The following CLDN23 variants were observed in gnomAD, a reference collection of about 807,000 sequenced individuals.
CLDN23 encodes the protein claudin-23.
In CLDN23, 3 loss-of-function variants were observed where a neutral mutation model predicts 1.4. The observed-to-expected ratio is 2.10, with a 90% CI of 0.96 to 5.43. The LOEUF is 5.43. CLDN23 is among the 30% of genes most tolerant of loss of function. CLDN23 has a pLI of 0.02. For missense variants in CLDN23, 597 were observed against 433.5 expected, an observed-to-expected ratio of 1.38 and a Z score of -3.35; for synonymous variants, 291 against 209.9, an observed-to-expected ratio of 1.39 and a Z score of -3.34.
rs745730686 is a variant in CLDN23, at chr8:8,703,141, C to G, written c.743C>G (p.Pro248Arg). 3.0e-5 allele frequency: 46 copies of G among 1,542,256 alleles called. No homozygotes were observed. The highest frequency in any genetic ancestry group is 2.7e-4 in the East Asian group (11 of 40,680). The change falls in exon 1 of 1, where the codon CCC becomes CGC. Residue 248 changes from proline (P) to arginine (R), a missense_variant. Pro to Arg is a moderately radical substitution (Grantham distance 103). Transcript: ENST00000519106. ...AAGCCCAAGCCCAAGGTCGGCTTCC[C>G]CATGCCGCGGCCGCGGCCCAAGGCC... ...KPKPKPKVGF[P>R]MPRPRPKAYT...
rs773326747 is a variant in CLDN23, at chr8:8,702,410, G to A, written c.12G>A (p.Pro4=). Residue 4 remains proline (P), a synonymous_variant, in exon 1 of 1, where the codon CCG becomes CCA. Coordinates refer to ENST00000519106, the MANE Select transcript of CLDN23 (RefSeq NM_194284.3). MRT[P]VVMTLGMVLA... Reference sequence around the variant, plus strand: ...CGCGGCGGGCCGGGATGCGGACGCCGGTGGTGATGACGCTGGGCATGGTGT... The same window carrying A: ...CGCGGCGGGCCGGGATGCGGACGCCAGTGGTGATGACGCTGGGCATGGTGT... 150 of 1,502,842 alleles carry A rather than the reference G, an allele frequency of 1.0e-4. No individual in the cohort carries two copies. Among genetic ancestry groups the A allele is most frequent in the Non-Finnish European group, 1.0e-4 (118 of 1,128,540 alleles). The allele number at this position is 1,502,842 out of a possible 1,614,324, so 93.1% of individuals were successfully genotyped here.
Position 8,703,555 on chromosome 8 carries a change from T to C in CLDN23, c.*278T>C. The stretch of plus-strand genomic sequence containing the variant: ...TGAAGAATATATGGAAAGGGTGGCA[T>C]TTGCGTCACGTGGACCAGGGACAGT... On this transcript the variant is annotated 3_prime_UTR_variant, in exon 1 of 1. Coordinates refer to ENST00000519106, the MANE Select transcript of CLDN23 (RefSeq NM_194284.3). The C allele has an allele frequency of 2.9e-6, 1 of 350,598 alleles. No homozygotes were observed. Among genetic ancestry groups the C allele is most frequent in the Non-Finnish European group, 5.4e-6 (1 of 186,702 alleles). 21.7% of individuals were successfully genotyped at this position (350,598 alleles called of 1,614,324 possible). A position where few individuals can be genotyped will look rare whatever the true frequency, so the allele number is the denominator to read the frequency against.
chr8:8,702,372 G>C lies in CLDN23; in HGVS notation c.-27G>C. The stretch of plus-strand genomic sequence containing the variant: ...CAGCGGAGAAGGAAGGCAGGCTGCA[G>C]GGGCGCCGTCGGCGCGGCGGGCCGG... On this transcript the variant is annotated 5_prime_UTR_variant, in exon 1 of 1. Coordinates refer to ENST00000519106, the MANE Select transcript of CLDN23 (RefSeq NM_194284.3). The C allele has an allele frequency of 6.7e-7, 1 of 1,487,902 alleles. No individual in the cohort carries two copies. Among genetic ancestry groups the C allele is most frequent in the Non-Finnish European group, 8.9e-7 (1 of 1,124,696 alleles). The allele number at this position is 1,487,902 out of a possible 1,614,324, so 92.2% of individuals were successfully genotyped here.
chr8:8,702,155 T>G lies in CLDN23; in HGVS notation c.-244T>G. Reference sequence around the variant, plus strand: ...GCGGGCTGGTTTCGATTAGGGCCAGTAGGAGGGCGGAGCGGCCGGGACGCC... The same window carrying G: ...GCGGGCTGGTTTCGATTAGGGCCAGGAGGAGGGCGGAGCGGCCGGGACGCC... On this transcript the variant is annotated 5_prime_UTR_variant, in exon 1 of 1. Transcript: ENST00000519106. 7 of 375,236 alleles carry G rather than the reference T, an allele frequency of 1.9e-5. No homozygotes were observed. The highest frequency in any genetic ancestry group is 6.3e-5 in the African/African-American group (3 of 47,760). The allele number at this position is 375,236 out of a possible 1,614,324, so 23.2% of individuals were successfully genotyped here. A position where few individuals can be genotyped will look rare whatever the true frequency, so the allele number is the denominator to read the frequency against.
rs890331017 is a variant in CLDN23 at position 8,703,245 on chromosome 8, G to A, written c.847G>A (p.Asp283Asn). ...DAPSCSTHPC[D>N]SSLPCDSDL ...TCCCTCGTGCAGCACCCACCCCTGC[G>A]ACAGCTCGCTGCCCTGCGACTCCGA... The change falls in exon 1 of 1, where the codon GAC (aspartate) becomes AAC (asparagine). Residue 283 changes from aspartate to asparagine, a missense_variant. Transcript: ENST00000519106. 1.5e-5 allele frequency: 21 copies of A among 1,419,100 alleles called. No homozygotes were observed. The highest frequency in any genetic ancestry group is 1.9e-5 in the Non-Finnish European group (21 of 1,084,104). The allele number at this position is 1,419,100 out of a possible 1,614,324, so 87.9% of individuals were successfully genotyped here.
Position 8,702,729 on chromosome 8 carries a change from T to A in CLDN23, c.331T>A (p.Phe111Ile). The A allele has an allele frequency of 6.2e-7, 1 of 1,608,860 alleles. No individual in the cohort carries two copies. The highest frequency in any genetic ancestry group is 8.5e-7 in the Non-Finnish European group (1 of 1,179,446). ...GCGCTGCTGGCAGGACGAGCCCAAC[T>A]TCGTGCTGGCAGGGCTCTCGGGCGT... ...GVRCWQDEPNFVLAGLSGVVL... is the reference protein window; with the variant it reads ...GVRCWQDEPNIVLAGLSGVVL... The change falls in exon 1 of 1, where the codon TTC becomes ATC. Residue 111 changes from phenylalanine (F) to isoleucine (I), a missense_variant. Coordinates refer to ENST00000519106, the MANE Select transcript of CLDN23 (RefSeq NM_194284.3).
rs1456920174 is a variant in CLDN23, at chr8:8,702,061, C to A, written c.-338C>A. On this transcript the variant is annotated 5_prime_UTR_variant, in exon 1 of 1. Coordinates refer to ENST00000519106, the MANE Select transcript of CLDN23 (RefSeq NM_194284.3). ...TCACCTCGGGTCCCTCCCTCCCGGG[C>A]CAGGTTTGGCCGCGGCAGCCGCCCC... The A allele has an allele frequency of 9.3e-6, 2 of 216,114 alleles. No individual in the cohort carries two copies. Among genetic ancestry groups the A allele is most frequent in the Admixed American group, 5.9e-5 (1 of 17,000 alleles). 13.4% of individuals were successfully genotyped at this position (216,114 alleles called of 1,614,324 possible).
Position 8,703,031 on chromosome 8 carries a change from G to A in CLDN23, c.633G>A (p.Glu211=), listed in dbSNP as rs1254563768. ...GCAGCGTCAGCACCATCCAAGTGGA[G>A]TGGCCCGAGCCCGACCTGGCGCCCG... ...RRSSVSTIQV[E]WPEPDLAPAI... Residue 211 remains glutamate, a synonymous_variant, in exon 1 of 1, where the codon GAG becomes GAA. Coordinates refer to ENST00000519106, the MANE Select transcript of CLDN23 (RefSeq NM_194284.3). The A allele has an allele frequency of 6.5e-7, 1 of 1,544,580 alleles. No individual in the cohort carries two copies. The highest frequency in any genetic ancestry group is 2.4e-5 in the East Asian group (1 of 42,228).
rs1216210790 is a variant in CLDN23, at chr8:8,702,172, C to T, written c.-227C>T. ...AGGGCCAGTAGGAGGGCGGAGCGGCCGGGACGCCAGGAGGGAACTAGCCTA... is the reference window on the plus strand; with the variant it reads ...AGGGCCAGTAGGAGGGCGGAGCGGCTGGGACGCCAGGAGGGAACTAGCCTA... On this transcript the variant is annotated 5_prime_UTR_variant, in exon 1 of 1. Transcript: ENST00000519106. The T allele has an allele frequency of 1.2e-5, 5 of 406,604 alleles. No individual in the cohort carries two copies. Among genetic ancestry groups the T allele is most frequent in the Non-Finnish European group, 2.1e-5 (5 of 233,474 alleles). The allele number at this position is 406,604 out of a possible 1,614,324, so 25.2% of individuals were successfully genotyped here.
rs370620610 is a variant in CLDN23, at chr8:8,702,919, G to A, written c.521G>A (p.Gly174Asp). 3.2e-6 allele frequency: 5 copies of A among 1,568,398 alleles called. No individual in the cohort carries two copies. The highest frequency in any genetic ancestry group is 2.3e-5 in the South Asian group (2 of 87,386). The change falls in exon 1 of 1, where the codon GGC (glycine) becomes GAC (aspartate). Residue 174 changes from glycine to aspartate, a missense_variant. Transcript: ENST00000519106. The stretch of plus-strand genomic sequence containing the variant: ...GGCAGCTGCCTCCTGCTGCTGGGCG[G>A]CTTCTCGCTGGCGCTCAGCTTCGCG... Reference protein sequence around the residue: ...YLGSCLLLLGGFSLALSFAPW... With the variant: ...YLGSCLLLLGDFSLALSFAPW...
rs1426868865 is a variant in CLDN23, at chr8:8,702,232, G to A, written c.-167G>A. ...GGTCCCCGTGCAGGAGACAAAGAGC[G>A]TCCCTGGAGCGATCAGGGCTCAGGA... is the stretch of plus-strand genomic sequence containing the variant. On this transcript the variant is annotated 5_prime_UTR_variant, in exon 1 of 1. Transcript: ENST00000519106. 3.5e-5 allele frequency: 21 copies of A among 598,682 alleles called. No individual in the cohort carries two copies. In the South Asian group the frequency reaches 4.9e-4, roughly 14 times the overall value. The allele number at this position is 598,682 out of a possible 1,614,324, so 37.1% of individuals were successfully genotyped here.
rs1322656710 is a variant in CLDN23 at position 8,702,283 on chromosome 8, GC to G, written c.-115del. ...GCCCGACCCGGAGCCCGGGGCGTCC[GC>G]GCTGACTTCGGGTCCCCGGAGCCTG... On this transcript the variant is annotated 5_prime_UTR_variant, in exon 1 of 1. Coordinates refer to ENST00000519106, the MANE Select transcript of CLDN23 (RefSeq NM_194284.3). The G allele has an allele frequency of 7.5e-6, 9 of 1,200,634 alleles. No homozygotes were observed. Among genetic ancestry groups the G allele is most frequent in the Non-Finnish European group, 1.0e-5 (9 of 896,726 alleles). The allele number at this position is 1,200,634 out of a possible 1,614,324, so 74.4% of individuals were successfully genotyped here.
Position 8,702,189 on chromosome 8 carries a change from A to C in CLDN23, c.-210A>C. 8 of 433,534 alleles carry C rather than the reference A, an allele frequency of 1.8e-5. No homozygotes were observed. The highest frequency in any genetic ancestry group is 2.8e-5 in the Non-Finnish European group (7 of 251,282). The allele number at this position is 433,534 out of a possible 1,614,324, so 26.9% of individuals were successfully genotyped here. A position where few individuals can be genotyped will look rare whatever the true frequency, so the allele number is the denominator to read the frequency against. ...GGAGCGGCCGGGACGCCAGGAGGGA[A>C]CTAGCCTAAGTGGGGACGGTCCCCG... On this transcript the variant is annotated 5_prime_UTR_variant, in exon 1 of 1. Transcript: ENST00000519106.
chr8:8,702,686 G>T lies in CLDN23; in HGVS notation c.288G>T (p.Leu96=). ...TSLAATVLGL[L]LASLGVRCWQ... ...TGGCCGCCACGGTCCTGGGGCTTCT[G>T]CTGGCGTCGCTGGGCGTGCGCTGCT... The change falls in exon 1 of 1, where the codon CTG becomes CTT. Residue 96 remains leucine, a synonymous_variant. Coordinates refer to ENST00000519106, the MANE Select transcript of CLDN23 (RefSeq NM_194284.3). 7 of 1,606,018 alleles carry T rather than the reference G, an allele frequency of 4.4e-6. No individual in the cohort carries two copies. The highest frequency in any genetic ancestry group is 5.9e-6 in the Non-Finnish European group (7 of 1,179,004).
rs1802743293 is a variant in CLDN23 at position 8,702,268 on chromosome 8, G to A, written c.-131G>A. On this transcript the variant is annotated 5_prime_UTR_variant, in exon 1 of 1. Coordinates refer to ENST00000519106, the MANE Select transcript of CLDN23 (RefSeq NM_194284.3). ...GATCAGGGCTCAGGAGCCCGACCCGGAGCCCGGGGCGTCCGCGCTGACTTC... is the reference window on the plus strand; with the variant it reads ...GATCAGGGCTCAGGAGCCCGACCCGAAGCCCGGGGCGTCCGCGCTGACTTC... The A allele has an allele frequency of 5.9e-6, 6 of 1,020,718 alleles. No homozygotes were observed. Among genetic ancestry groups the A allele is most frequent in the Non-Finnish European group, 8.2e-6 (6 of 733,042 alleles). 63.2% of individuals were successfully genotyped at this position (1,020,718 alleles called of 1,614,324 possible).
rs1283583511 is a variant in CLDN23, at chr8:8,701,972, GTCCCCGCCGCTCGGA to G, written c.-421_-407del. The G allele has an allele frequency of 2.6e-5, 4 of 154,836 alleles. No homozygotes were observed. The highest frequency in any genetic ancestry group is 5.7e-5 in the Non-Finnish European group (4 of 70,136). The allele number at this position is 154,836 out of a possible 1,614,324, so 9.6% of individuals were successfully genotyped here. A position where few individuals can be genotyped will look rare whatever the true frequency, so the allele number is the denominator to read the frequency against. ...CAGCCGCCCGGCTGCAAGGTGGGGT[GTCCCCGCCGCTCGGA>G]TCCCCATCTCACCTGCCGCGGGCGA... On this transcript the variant is annotated 5_prime_UTR_variant, in exon 1 of 1. Coordinates refer to ENST00000519106, the MANE Select transcript of CLDN23 (RefSeq NM_194284.3).
rs780216535 is a variant in CLDN23 at position 8,702,045 on chromosome 8, G to C, written c.-354G>C. The C allele has an allele frequency of 7.7e-5, 15 of 194,584 alleles. No homozygotes were observed. Among genetic ancestry groups the C allele is most frequent in the Admixed American group, 4.9e-4 (8 of 16,384 alleles). 12.1% of individuals were successfully genotyped at this position (194,584 alleles called of 1,614,324 possible). On this transcript the variant is annotated 5_prime_UTR_variant, in exon 1 of 1. Transcript: ENST00000519106. ...CCGCCGCTTCCTGCGCTCACCTCGG[G>C]TCCCTCCCTCCCGGGCCAGGTTTGG...
Position 8,702,668 on chromosome 8 carries a change from C to G in CLDN23, c.270C>G (p.Ala90=), listed in dbSNP as rs771773137. 1 of 1,605,068 alleles carries G rather than the reference C, an allele frequency of 6.2e-7. No individual in the cohort carries two copies. The highest frequency in any genetic ancestry group is 2.2e-5 in the East Asian group (1 of 44,746). Residue 90 remains alanine (A), a synonymous_variant, in exon 1 of 1, where the codon GCC becomes GCG. Coordinates refer to ENST00000519106, the MANE Select transcript of CLDN23 (RefSeq NM_194284.3). ...ARALMVTSLA[A]TVLGLLLASL... is the part of the protein sequence containing the mutation. ...CACTCATGGTCACCTCGCTGGCCGC[C>G]ACGGTCCTGGGGCTTCTGCTGGCGT...
rs1802771696 is a variant in CLDN23, at chr8:8,702,687, C to T, written c.289C>T (p.Leu97=). 3 of 1,606,038 alleles carry T rather than the reference C, an allele frequency of 1.9e-6. No individual in the cohort carries two copies. The highest frequency in any genetic ancestry group is 2.5e-6 in the Non-Finnish European group (3 of 1,179,024). The change falls in exon 1 of 1, where the codon CTG becomes TTG. Residue 97 remains leucine, a synonymous_variant. Transcript: ENST00000519106. ...GGCCGCCACGGTCCTGGGGCTTCTG[C>T]TGGCGTCGCTGGGCGTGCGCTGCTG... ...SLAATVLGLL[L]ASLGVRCWQD...
Sources: gnomAD v4.1 joint callset for allele counts on GRCh38, gnomAD v4.1.1 for gene constraint, MANE v1.5 for transcripts, NCBI Gene and HGNC (gene_info 2026-07-23, HGNC 2026-07-21) for gene names.